Variants in NAA16 observed in about 807,000 individuals in gnomAD.
The protein encoded by NAA16 is NARG1-like protein.
In NAA16, 97 loss-of-function variants were observed where a neutral mutation model predicts 110.3. That is an observed-to-expected ratio of 0.88 (90% CI 0.75 to 1.04). The LOEUF is 1.04. Among genes scored for constraint, NAA16 ranks in the 50% least tolerant of loss-of-function variants. The pLI is 0.00. For synonymous variants in NAA16, 372 were observed against 330.6 expected, an observed-to-expected ratio of 1.13 and a Z score of -1.36; for missense variants, 1,017 against 1,005.1, an observed-to-expected ratio of 1.01 and a Z score of -0.16.
intron 5 of NAA16, among the ~76,000 whole-genome samples, chr13:41,324,955 TAG>T (rs1491297893): frequency 5.0e-4 from 50 of 99,774 alleles, no homozygotes; most frequent in African/African-American, 1.9e-3. Context: ...TTTTTTAGTT[TAG>T]TTTTTTTTTT....
intron 9 of NAA16, among the ~76,000 whole-genome samples, chr13:41,348,516 T>C (rs914864809): frequency 6.6e-6 from 1 of 152,214 alleles, no homozygotes; most frequent in African/African-American, 2.4e-5. Flanking sequence ...TCATGGTGGG[T>C]AATTCTTTTT....
chr13:41,334,392 A>G (rs2042322808), intron 8 of NAA16, among the ~76,000 whole-genome samples: 1 of 152,190 alleles, frequency 6.6e-6, no homozygotes, highest in Non-Finnish European at 1.5e-5. Context: ...AGAGAGAGGG[A>G]AGGAAATAAT....
At chr13:41,312,154 T>C (rs1237061218) in intron 1 of NAA16, among the ~76,000 whole-genome samples, 1 of 152,226 alleles carries the variant, frequency 6.6e-6, no homozygotes, top group Non-Finnish European at 1.5e-5. Context: ...AGTTTGCCTG[T>C]TTGTAATGTA....
chr13:41,350,369 C>G (rs1375574823), intron 9 of NAA16, among the ~76,000 whole-genome samples: 2 of 150,706 alleles, frequency 1.3e-5, no homozygotes, highest in East Asian at 3.9e-4. Context: ...TCTCGGCTCA[C>G]TGCAAGCTCC....
chr13:41,350,471 A>G lies in NAA16; in HGVS notation c.1015-4673A>G, dbSNP rs186135113. 4.1e-3 allele frequency among the ~76,000 whole-genome samples: 613 copies of G among 150,802 alleles called. 6 individuals are homozygous for G. Among genetic ancestry groups the G allele is most frequent in the African/African-American group, 0.014 (583 of 41,056 alleles). On this transcript the variant is annotated intron_variant, in intron 9 of 19. Transcript: ENST00000379406. ...ACCATACCTGGCTAAGTTTTTTTGT[A>G]TTTTTTAGTAGAGATGGGGTTTCAC...
Position 41,374,769 on chromosome 13 carries a change from A to G in NAA16, c.2327A>G (p.Lys776Arg). The G allele has an allele frequency of 1.9e-6, 3 of 1,612,770 alleles. No individual in the cohort carries two copies. ...GCTAAAATGATGTATTTTCTGGACA[A>G]GTCAAGGCAGGAGAAAGCAATTGCT... The part of the protein sequence containing the change: ...SGAKMMYFLD[K>R]SRQEKAIAIA... The change falls in exon 19 of 20, where the codon AAG becomes AGG. Residue 776 changes from lysine (K) to arginine (R), a missense_variant. Transcript: ENST00000379406.
At chr13:41,354,705 C>G (rs916688211) in intron 9 of NAA16, 1 of 152,482 alleles carries the variant, frequency 6.6e-6, no homozygotes, top group African/African-American at 2.4e-5. Flanking sequence ...GGTTAAGAAA[C>G]CCCGTAATTA....
At chr13:41,375,120 C>G (rs1168593678) in intron 19 of NAA16, among the ~76,000 whole-genome samples, 1 of 152,204 alleles carries the variant, frequency 6.6e-6, no homozygotes, top group African/African-American at 2.4e-5. Flanking sequence ...TTGTTAAGTA[C>G]TCAGTAAATG....
Position 41,358,381 on chromosome 13 carries a change from C to T in NAA16, c.1165C>T (p.Gln389Ter). 1 of 1,613,714 alleles carries T rather than the reference C, an allele frequency of 6.2e-7. No individual in the cohort carries two copies. Among genetic ancestry groups the T allele is most frequent in the Non-Finnish European group, 8.5e-7 (1 of 1,179,686 alleles). ...FLAQHFDKLG[Q>*]YSLALDYINA... Reference sequence around the variant, plus strand: ...GGCACAGCACTTTGATAAACTTGGACAGTATTCTTTGGCTTTGGATTATAT... The same window carrying T: ...GGCACAGCACTTTGATAAACTTGGATAGTATTCTTTGGCTTTGGATTATAT... The change falls in exon 11 of 20, where the codon CAG (glutamine) becomes TAG (stop). Residue 389 changes from glutamine (Q) to a stop codon, truncating the protein, a stop_gained. Transcript: ENST00000379406. LOFTEE classifies it high-confidence loss of function.
chr13:41,332,570 TGAA>T (rs2042268400), intron 8 of NAA16, among the ~76,000 whole-genome samples: 1 of 152,320 alleles, frequency 6.6e-6, no homozygotes, highest in South Asian at 2.1e-4. Context: ...GTGTTTTTGT[TGAA>T]GTCTTTATTT....
At chr13:41,352,676 T>C (rs1429928960) in intron 9 of NAA16, among the ~76,000 whole-genome samples, 2 of 152,016 alleles carry the variant, frequency 1.3e-5, no homozygotes, top group Admixed American at 6.6e-5. Flanking sequence ...AATTTATGTA[T>C]ATATAAAATA....
chr13:41,311,602 G>T lies in NAA16; in HGVS notation c.54+20G>T. On this transcript the variant is annotated intron_variant, in intron 1 of 19. Coordinates refer to ENST00000379406, the MANE Select transcript of NAA16 (RefSeq NM_024561.5). ...ATCTTGGTGAGTGGCCGTAGGCCGC[G>T]CTGCCGCCCCCCGGTCCCCGGGTCC... The T allele has an allele frequency of 6.3e-7, 1 of 1,599,422 alleles. No homozygotes were observed.
intron 9 of NAA16, among the ~76,000 whole-genome samples, chr13:41,349,325 A>G (rs9566751): frequency 0.088 from 13,305 of 151,940 alleles, 745 homozygotes; most frequent in East Asian, 0.23. Flanking sequence ...AGCTGGGACT[A>G]CAGGCATGTA....
At chr13:41,373,575 G>GT in intron 17 of NAA16, 62 bp from the exon 18 acceptor site, 2 of 1,491,700 alleles carry the variant, frequency 1.3e-6, no homozygotes, top group Non-Finnish European at 1.8e-6. Flanking sequence ...GTTTTCAGTA[G>GT]GTTTTTTTTT....
intron 19 of NAA16, among the ~76,000 whole-genome samples, 176 bp downstream of exon 19, chr13:41,375,015 T>A (rs2043401424): frequency 6.6e-6 from 1 of 152,204 alleles, no homozygotes; most frequent in Admixed American, 6.5e-5. Context: ...TTTTTCCTCA[T>A]TTTTAAGATG....
intron 1 of NAA16, among the ~76,000 whole-genome samples, chr13:41,315,660 T>TTGTG (rs149988979): frequency 4.0e-5 from 6 of 151,848 alleles, no homozygotes; most frequent in East Asian, 1.9e-4. Context: ...GTGGTAGTAT[T>TTGTG]TGTGTGTGTG....
chr13:41,363,192 C>G (rs1195243931), intron 13 of NAA16, among the ~76,000 whole-genome samples: 1 of 152,006 alleles, frequency 6.6e-6, no homozygotes, highest in Non-Finnish European at 1.5e-5. Context: ...AAATCAGGCT[C>G]TTGTTTCCTT....
Position 41,320,711 on chromosome 13 carries a change from G to A in NAA16, c.289G>A (p.Asp97Asn). ...CTTGCAGCGTTCTGATAAAAAATAT[G>A]ATGAAGCTATAAAATGTTACCGAAA... The part of the protein sequence containing the change: ...GLLQRSDKKY[D>N]EAIKCYRNAL... The change falls in exon 4 of 20, where the codon GAT (aspartate) becomes AAT (asparagine). Residue 97 changes from aspartate to asparagine, a missense_variant. Transcript: ENST00000379406. 1 of 1,612,324 alleles carries A rather than the reference G, an allele frequency of 6.2e-7. No individual in the cohort carries two copies. Among genetic ancestry groups the A allele is most frequent in the South Asian group, 1.1e-5 (1 of 90,704 alleles).
chr13:41,362,473 C>T (rs1194259921), intron 13 of NAA16: 3 of 348,540 alleles, frequency 8.6e-6, no homozygotes, highest in Non-Finnish European at 1.6e-5. Context: ...TCATCACCAC[C>T]CTAAGAGGAC....
Sources: allele counts gnomAD v4.1 joint callset (sites outside exome capture counted in the v4.1 genomes callset), GRCh38; gene constraint gnomAD v4.1.1; transcripts MANE v1.5; gene names NCBI Gene and HGNC (gene_info 2026-07-23, HGNC 2026-07-21).